DLEU7: variants seen among roughly 807,000 people sequenced by gnomAD.
DLEU7 encodes the protein leukemia-associated protein 7.
DLEU7 carries 17 observed loss-of-function variants against 16.0 expected under a neutral mutation model. That is an observed-to-expected ratio of 1.06 (90% confidence interval 0.73 to 1.59). The LOEUF is 1.59. DLEU7 is among the 40% of genes most tolerant of loss of function. DLEU7 has a pLI of 0.00. For synonymous variants in DLEU7, 113 were observed against 139.8 expected, an observed-to-expected ratio of 0.81 and a Z score of 1.35; for missense variants, 308 against 314.9, an observed-to-expected ratio of 0.98 and a Z score of 0.17.
At chr13:50,795,369 A>G (rs976251800) in intron 1 of DLEU7, among the ~76,000 whole-genome samples, 4 of 152,190 alleles carry the variant, frequency 2.6e-5, no homozygotes, top group Admixed American at 2.6e-4. Flanking sequence ...GTGGTCCAGT[A>G]TCTCACCTAC....
chr13:50,793,246 C>T (rs7984213), intron 1 of DLEU7, among the ~76,000 whole-genome samples: 51,939 of 151,828 alleles, frequency 0.34, 9,149 homozygotes, highest in African/African-American at 0.38. Context: ...TATTCCATGG[C>T]GTATATGTAC....
chr13:50,810,420 C>T (rs1593404448), intron 1 of DLEU7, among the ~76,000 whole-genome samples: 1 of 152,106 alleles, frequency 6.6e-6, no homozygotes, highest in East Asian at 1.9e-4. Context: ...ATGTTTCTAC[C>T]ATCTATTATT....
intron 1 of DLEU7, among the ~76,000 whole-genome samples, chr13:50,723,870 T>C (rs940277427): frequency 6.6e-6 from 1 of 151,848 alleles, no homozygotes; most frequent in Non-Finnish European, 1.5e-5. Flanking sequence ...CACACATATA[T>C]ATATATAATT....
chr13:50,783,673 T>A (rs918080958), intron 1 of DLEU7, among the ~76,000 whole-genome samples: 1 of 152,204 alleles, frequency 6.6e-6, no homozygotes, highest in Non-Finnish European at 1.5e-5. Flanking sequence ...ATAGCGTCTC[T>A]GCCACAAACA....
intron 1 of DLEU7, among the ~76,000 whole-genome samples, chr13:50,732,468 G>A (rs982627724): frequency 6.6e-6 from 1 of 151,960 alleles, no homozygotes; most frequent in African/African-American, 2.4e-5. Flanking sequence ...AAATTAGGTA[G>A]GCATGGTGGC....
At chr13:50,733,550 C>T (rs1873978662) in intron 1 of DLEU7, among the ~76,000 whole-genome samples, 1 of 152,046 alleles carries the variant, frequency 6.6e-6, no homozygotes, top group African/African-American at 2.4e-5. Context: ...ATCTCCCCAC[C>T]AGCTTCTCCC....
intron 1 of DLEU7, among the ~76,000 whole-genome samples, chr13:50,756,790 G>A (rs892941245): frequency 6.6e-6 from 1 of 152,144 alleles, no homozygotes; most frequent in African/African-American, 2.4e-5. Flanking sequence ...CCTTCTTCCT[G>A]TGGTGTTTTC....
rs560717511 is a variant in DLEU7 at position 50,757,513 on chromosome 13, C to T, written c.460-44273G>A. 2.9e-3 allele frequency among the ~76,000 whole-genome samples: 439 copies of T among 152,258 alleles called. 2 individuals are homozygous for T. Among genetic ancestry groups the T allele is most frequent in the Non-Finnish European group, 4.0e-3 (274 of 68,018 alleles). ...TCTGCTGCATGGCATTCTAGAGTTTCCCCACCAGCCAAACCAATGCAAAAC... is the reference window on the plus strand; with the variant it reads ...TCTGCTGCATGGCATTCTAGAGTTTTCCCACCAGCCAAACCAATGCAAAAC... On this transcript the variant is annotated intron_variant, in intron 1 of 1. Transcript: ENST00000400393.
intron 1 of DLEU7, among the ~76,000 whole-genome samples, chr13:50,799,798 C>G (rs1876198863): frequency 6.6e-6 from 1 of 152,198 alleles, no homozygotes; most frequent in South Asian, 2.1e-4. Flanking sequence ...TCTCTTTCCT[C>G]TGCTTATGTT....
chr13:50,804,779 C>A (rs1195722483), intron 1 of DLEU7, among the ~76,000 whole-genome samples: 1 of 152,044 alleles, frequency 6.6e-6, no homozygotes, highest in African/African-American at 2.4e-5. Flanking sequence ...TCACATCTGA[C>A]AAATTTATTC....
At chr13:50,769,541 G>C (rs551348403) in intron 1 of DLEU7, among the ~76,000 whole-genome samples, 1 of 152,270 alleles carries the variant, frequency 6.6e-6, no homozygotes, top group African/African-American at 2.4e-5. Context: ...TTATTAAATA[G>C]GGAGTCCTTT....
chr13:50,820,950 G>T (rs1379994009), downstream of DLEU7, among the ~76,000 whole-genome samples: 1 of 152,016 alleles, frequency 6.6e-6, no homozygotes. Flanking sequence ...TCAAAAGCCA[G>T]TGTGCATTTT....
chr13:50,736,643 A>G (rs1874078579), intron 1 of DLEU7, among the ~76,000 whole-genome samples: 1 of 152,168 alleles, frequency 6.6e-6, no homozygotes, highest in Non-Finnish European at 1.5e-5. Flanking sequence ...CTGTTTCAAG[A>G]AGGAAGAAAA....
chr13:50,720,409 C>T, intron 1 of DLEU7, among the ~76,000 whole-genome samples: 1 of 152,202 alleles, frequency 6.6e-6, no homozygotes, highest in East Asian at 1.9e-4. Flanking sequence ...CTGAAACATC[C>T]TTTAGGTGAG....
At chr13:50,801,411 C>A (rs1449485490) in intron 1 of DLEU7, among the ~76,000 whole-genome samples, 1 of 152,140 alleles carries the variant, frequency 6.6e-6, no homozygotes. Context: ...GAAGTGTCAT[C>A]AGCCCCACAT....
At chr13:50,767,527 C>T (rs1875158433) in intron 1 of DLEU7, among the ~76,000 whole-genome samples, 1 of 151,468 alleles carries the variant, frequency 6.6e-6, no homozygotes, top group South Asian at 2.1e-4. Context: ...CTCAGGCTTA[C>T]CATGCTCAAG....
intron 1 of DLEU7, among the ~76,000 whole-genome samples, chr13:50,786,508 C>T (rs567933400): frequency 6.6e-6 from 1 of 152,204 alleles, no homozygotes; most frequent in South Asian, 2.1e-4. Context: ...AATAAATACT[C>T]GTAGGATTCA....
downstream of DLEU7, among the ~76,000 whole-genome samples, chr13:50,821,026 G>A (rs575321091): frequency 5.6e-4 from 86 of 152,238 alleles, no homozygotes; most frequent in African/African-American, 1.9e-3. Flanking sequence ...CGTGCGGCCA[G>A]TGCTACCATA....
Position 50,805,476 on chromosome 13 carries a change from T to C in DLEU7, c.459+37712A>G, listed in dbSNP as rs567998673. On this transcript the variant is annotated intron_variant, in intron 1 of 1. Transcript: ENST00000400393. ...CTTTATATTCATAATTTTTGTGTAA[T>C]AATCCTAACAGTTATTGTTTTATTA... Among the ~76,000 whole-genome samples, 58 of 152,340 alleles carry C rather than the reference T, an allele frequency of 3.8e-4. 1 individual carries two copies. The highest frequency in any genetic ancestry group is 1.4e-3 in the African/African-American group (58 of 41,592).
Sources: allele counts gnomAD v4.1 joint callset (sites outside exome capture counted in the v4.1 genomes callset), GRCh38; gene constraint gnomAD v4.1.1; transcripts MANE v1.5; gene names NCBI Gene and HGNC (gene_info 2026-07-23, HGNC 2026-07-21).